The following CLIP4 variants were observed in gnomAD, a reference collection of about 807,000 sequenced individuals.
The protein encoded by CLIP4 is CAP-Gly domain-containing linker protein 4.
Under a neutral mutation model 73.1 loss-of-function variants are expected in CLIP4, and 47 were observed. That is an observed-to-expected ratio of 0.64 (90% confidence interval 0.51 to 0.82). The LOEUF is 0.82. CLIP4 is among the 40% of genes least tolerant of loss of function. The probability of loss-of-function intolerance (pLI) is 0.00; values close to 1 mark genes in which losing one functional copy is unlikely to be tolerated. For missense variants in CLIP4, 874 were observed against 852.9 expected (o/e 1.02, Z -0.31); for synonymous variants, 306 against 295.4 (o/e 1.04, Z -0.37).
At chr2:29,131,650 T>C (rs996871419) in intron 3 of CLIP4, 1 of 316,496 alleles carries the variant, frequency 3.2e-6, no homozygotes, top group Admixed American at 4.6e-5. Flanking sequence ...CATATTTCCT[T>C]CTTTGTAAAA....
intron 15 of CLIP4, among the ~76,000 whole-genome samples, chr2:29,177,508 G>T (rs1224938449): frequency 6.6e-6 from 1 of 152,048 alleles, no homozygotes; most frequent in African/African-American, 2.4e-5. Context: ...TTGAACCTGG[G>T]GGGCAGAGGT....
At chr2:29,170,937 G>A (rs940151934) in intron 14 of CLIP4, among the ~76,000 whole-genome samples, 3 of 151,946 alleles carry the variant, frequency 2.0e-5, no homozygotes, top group Admixed American at 6.6e-5. Context: ...TGGGCTCTCC[G>A]TTCTGTTTCA....
Position 29,121,503 on chromosome 2 carries a change from C to G in CLIP4, c.115C>G (p.Pro39Ala). 1 of 1,613,632 alleles carries G rather than the reference C, an allele frequency of 6.2e-7. No homozygotes were observed. The highest frequency in any genetic ancestry group is 8.5e-7 in the Non-Finnish European group (1 of 1,179,842). The change falls in exon 2 of 16, where the codon CCA becomes GCA. Residue 39 changes from proline to alanine, a missense_variant. Pro to Ala is a conservative substitution (Grantham distance 27). Transcript: ENST00000320081. ...AGTTATCTTTTCCATTTCTGCAGCA[C>G]CAATGCCTTCAGACTGTGGTATGTG... ...TPVIFSISAA[P>A]MPSDCEFSFF...
At position 29,160,430 on chromosome 2, in the gene CLIP4, C is replaced by T. The variant is rs1264751786; in HGVS notation, c.1497C>T (p.Gly499=). 1.9e-6 allele frequency: 3 copies of T among 1,614,160 alleles called. No homozygotes were observed. The highest frequency in any genetic ancestry group is 2.2e-5 in the East Asian group (1 of 44,882). The change falls in exon 12 of 16, where the codon GGC becomes GGT. Residue 499 remains glycine, a synonymous_variant. Coordinates refer to ENST00000320081, the MANE Select transcript of CLIP4 (RefSeq NM_024692.6). The part of the protein sequence containing the change: ...ERVLVVGQRL[G]TIRFFGTTNF... ...TGTTAGTGGTAGGACAGAGACTGGG[C>T]ACCATTAGGTTCTTTGGGACAACAA...
chr2:29,136,246 C>T (rs577442694), intron 6 of CLIP4, among the ~76,000 whole-genome samples: 22 of 150,180 alleles, frequency 1.5e-4, no homozygotes, highest in Admixed American at 4.0e-4. Context: ...AACAATAACT[C>T]GCTCTGGCAG....
upstream of CLIP4, among the ~76,000 whole-genome samples, chr2:29,113,156 AT>A (rs1426221299): frequency 6.6e-6 from 1 of 152,180 alleles, no homozygotes; most frequent in African/African-American, 2.4e-5. The surrounding 1 kb of genome is among the most constrained non-coding windows in gnomAD (Gnocchi z 4.0). Context: ...CTGCTTCTTC[AT>A]TTGTAAAGTG....
intron 6 of CLIP4, among the ~76,000 whole-genome samples, chr2:29,137,851 T>C (rs187252711): frequency 1.8e-4 from 28 of 152,272 alleles, no homozygotes; most frequent in African/African-American, 6.5e-4. Flanking sequence ...TTGCCGCTTT[T>C]TAATGGGATT....
chr2:29,120,112 A>G lies in CLIP4; in HGVS notation c.-15-1262A>G, dbSNP rs909498261. 4.6e-5 allele frequency among the ~76,000 whole-genome samples: 7 copies of G among 152,134 alleles called. No individual in the cohort carries two copies. The South Asian group carries it at 1.0e-3, about 22-fold the overall frequency. ...CCATGAACTTGTCATTTTCCTATTT[A>G]TGTGGCAAGGTTAATGTCAAAATGC... On this transcript the variant is annotated intron_variant, in intron 1 of 15. Transcript: ENST00000320081.
intron 2 of CLIP4, among the ~76,000 whole-genome samples, chr2:29,126,487 G>T (rs1186765915): frequency 1.3e-5 from 2 of 152,120 alleles, no homozygotes; most frequent in African/African-American, 4.8e-5. Flanking sequence ...TAGTTATGAG[G>T]ATTAAATAAA....
chr2:29,116,257 A>G (rs1302046684), intron 1 of CLIP4, among the ~76,000 whole-genome samples: 1 of 152,144 alleles, frequency 6.6e-6, no homozygotes, highest in Non-Finnish European at 1.5e-5. Context: ...ACTGCTTATG[A>G]TGGTAGAGCT....
At chr2:29,151,786 A>C (rs1666587007) in intron 8 of CLIP4, among the ~76,000 whole-genome samples, 1 of 152,062 alleles carries the variant, frequency 6.6e-6, no homozygotes, top group African/African-American at 2.4e-5. Flanking sequence ...CTTTATTTTC[A>C]CTTTTTAAAT....
At chr2:29,176,094 T>G (rs1188207567) in intron 15 of CLIP4, among the ~76,000 whole-genome samples, 1 of 152,196 alleles carries the variant, frequency 6.6e-6, no homozygotes, top group East Asian at 1.9e-4. Context: ...AATTTATCTG[T>G]TTTTACTCAT....
chr2:29,127,796 C>G (rs1173925501), intron 2 of CLIP4, among the ~76,000 whole-genome samples: 2 of 152,024 alleles, frequency 1.3e-5, no homozygotes, highest in Non-Finnish European at 2.9e-5. Context: ...AGGAAAATAT[C>G]AGAGTAAAAA....
chr2:29,105,401 T>A (rs1668171484), intron 1 of CLIP4, among the ~76,000 whole-genome samples: 1 of 152,240 alleles, frequency 6.6e-6, no homozygotes, highest in East Asian at 1.9e-4. Flanking sequence ...GTTTTTTCTT[T>A]AAGAGAATGT....
chr2:29,100,951 G>A (rs972623244), intron 1 of CLIP4, among the ~76,000 whole-genome samples: 1 of 152,126 alleles, frequency 6.6e-6, no homozygotes, highest in African/African-American at 2.4e-5. Flanking sequence ...TAGACAGCCT[G>A]TAAGCTAAGG....
intron 6 of CLIP4, among the ~76,000 whole-genome samples, chr2:29,142,539 T>C (rs1418480625): frequency 6.6e-6 from 1 of 152,184 alleles, no homozygotes; most frequent in African/African-American, 2.4e-5. Flanking sequence ...TTATTGTATT[T>C]TGTATGTTTT....
chr2:29,133,570 G>T, intron 4 of CLIP4, 85 bp from the exon 5 acceptor site: 1 of 1,317,000 alleles, frequency 7.6e-7, no homozygotes, highest in Non-Finnish European at 1.0e-6. Flanking sequence ...TGTTTGCTTT[G>T]GCTTTTTAAA....
At chr2:29,168,346 T>G (rs529632672) in intron 14 of CLIP4, among the ~76,000 whole-genome samples, 2 of 152,060 alleles carry the variant, frequency 1.3e-5, no homozygotes, top group African/African-American at 2.4e-5. Context: ...TTTGTAGGCT[T>G]CTTTGTGTAT....
chr2:29,112,678 A>G (rs556881738), upstream of CLIP4, among the ~76,000 whole-genome samples: 1 of 152,366 alleles, frequency 6.6e-6, no homozygotes, highest in South Asian at 2.1e-4. Flanking sequence ...ACCTGTAAAC[A>G]TCACAGACAG....
Sources: gnomAD v4.1 joint callset for allele counts (sites outside exome capture counted in the v4.1 genomes callset) on GRCh38, gnomAD v4.1.1 for gene constraint, Gnocchi (gnomAD v3.1) non-coding constraint, MANE v1.5 for transcripts, NCBI Gene and HGNC (gene_info 2026-07-23, HGNC 2026-07-21) for gene names.